The following LRRIQ3 variants were observed in gnomAD, a reference collection of about 807,000 sequenced individuals.
The protein encoded by LRRIQ3 is leucine-rich repeat and IQ domain-containing protein 3.
In LRRIQ3, 75 loss-of-function variants were observed where a neutral mutation model predicts 59.3. The observed-to-expected ratio is 1.26, with a 90% CI of 1.05 to 1.53. The LOEUF is 1.53. Ranked by LOEUF, LRRIQ3 falls within the 40% of genes most tolerant of loss-of-function variation. LRRIQ3 has a pLI of 0.00. For synonymous variants in LRRIQ3, 250 were observed against 231.3 expected, an observed-to-expected ratio of 1.08 and a Z score of -0.73; for missense variants, 831 against 710.0, an observed-to-expected ratio of 1.17 and a Z score of -1.94.
chr1:74,168,088 A>G (rs544312253), intron 3 of LRRIQ3, among the ~76,000 whole-genome samples: 1 of 152,008 alleles, frequency 6.6e-6, no homozygotes, highest in Non-Finnish European at 1.5e-5. Context: ...ATAAATGTCA[A>G]TTACATACTA....
intron 3 of LRRIQ3, chr1:74,181,965 CT>C (rs990845218): frequency 6.6e-6 from 1 of 151,582 alleles, no homozygotes; most frequent in African/African-American, 2.4e-5. Flanking sequence ...ATTTAACCCC[CT>C]CTTTTGAACT....
chr1:74,104,232 C>T (rs575122483), intron 5 of LRRIQ3, among the ~76,000 whole-genome samples: 5 of 152,076 alleles, frequency 3.3e-5, no homozygotes, highest in East Asian at 3.9e-4. Context: ...CTGATGAGGT[C>T]TTGTGTAGCA....
In LRRIQ3 at chr1:74,183,672, T is replaced by G. The variant is rs1243157938; in HGVS notation, c.13A>C (p.Thr5Pro). MFHG[T>P]VTEELTSHEE... Reference sequence around the variant, plus strand: ...TGACTGGTTAGCTCTTCTGTGACTGTTCCATGAAACATCTAGGAAAGATAA... The same window carrying G: ...TGACTGGTTAGCTCTTCTGTGACTGGTCCATGAAACATCTAGGAAAGATAA... Residue 5 changes from threonine (T) to proline (P), a missense_variant, in exon 2 of 8, where the codon ACA becomes CCA. Thr to Pro is a conservative substitution (Grantham distance 38). Coordinates refer to ENST00000354431, the MANE Select transcript of LRRIQ3 (RefSeq NM_001105659.2). 2.6e-6 allele frequency: 4 copies of G among 1,560,952 alleles called. No homozygotes were observed. The highest frequency in any genetic ancestry group is 2.4e-5 in the South Asian group (2 of 81,650).
chr1:74,072,448 C>A (rs1266694099), intron 6 of LRRIQ3, among the ~76,000 whole-genome samples: 1 of 151,878 alleles, frequency 6.6e-6, no homozygotes, highest in Non-Finnish European at 1.5e-5. Context: ...CTTTGGTGAT[C>A]CCATGAACCT....
chr1:74,157,548 CT>C (rs200099457), intron 3 of LRRIQ3, among the ~76,000 whole-genome samples: 92 of 151,080 alleles, frequency 6.1e-4, no homozygotes, highest in African/African-American at 1.9e-3. Context: ...CTCCCACTTT[CT>C]TTTTTTTTGT....
intron 4 of LRRIQ3, among the ~76,000 whole-genome samples, chr1:74,138,127 C>T (rs1030827784): frequency 1.3e-5 from 2 of 148,828 alleles, no homozygotes; most frequent in African/African-American, 4.9e-5. Flanking sequence ...AAATAAATAT[C>T]CTGGCTCTTT....
intron 4 of LRRIQ3, among the ~76,000 whole-genome samples, chr1:74,116,306 G>C (rs1325412028): frequency 6.6e-6 from 1 of 151,914 alleles, no homozygotes; most frequent in African/African-American, 2.4e-5. Context: ...TTGTAACTTT[G>C]GAAATATGAG....
chr1:74,193,356 T>G (rs1479654354), intron 1 of LRRIQ3, among the ~76,000 whole-genome samples: 1 of 152,174 alleles, frequency 6.6e-6, no homozygotes, highest in African/African-American at 2.4e-5. Flanking sequence ...AAACCTTTCC[T>G]TAGTTTGTAT....
At chr1:74,147,248 G>A (rs554354210) in intron 4 of LRRIQ3, among the ~76,000 whole-genome samples, 13 of 151,984 alleles carry the variant, frequency 8.6e-5, no homozygotes, top group African/African-American at 2.4e-4. Flanking sequence ...AATTGCCTAC[G>A]AACAAGAAAA....
At chr1:74,163,316 TC>T (rs1416797501) in intron 3 of LRRIQ3, among the ~76,000 whole-genome samples, 1 of 151,550 alleles carries the variant, frequency 6.6e-6, no homozygotes, top group Non-Finnish European at 1.5e-5. Context: ...GTGTGAAACT[TC>T]CCACACTAGC....
chr1:74,083,073 A>G (rs1040258213), intron 5 of LRRIQ3: 3 of 151,718 alleles, frequency 2.0e-5, no homozygotes, highest in Non-Finnish European at 3.0e-5. Context: ...TTTTTATCAA[A>G]TGATGGATTA....
chr1:74,141,006 C>A (rs1647231692), intron 4 of LRRIQ3, among the ~76,000 whole-genome samples: 1 of 151,684 alleles, frequency 6.6e-6, no homozygotes, highest in Admixed American at 6.6e-5. Flanking sequence ...TAATTGTATA[C>A]CCACAAAGTT....
At chr1:74,147,966 GC>G (rs1647683210) in intron 4 of LRRIQ3, among the ~76,000 whole-genome samples, 1 of 152,074 alleles carries the variant, frequency 6.6e-6, no homozygotes, top group Non-Finnish European at 1.5e-5. Context: ...GTCATGAATT[GC>G]TTTTCTGATA....
chr1:74,034,215 G>GA (rs1408732689), intron 7 of LRRIQ3, among the ~76,000 whole-genome samples: 14 of 152,032 alleles, frequency 9.2e-5, no homozygotes, highest in African/African-American at 2.9e-4. Flanking sequence ...TATCAGAATT[G>GA]AAAAATTTCA....
intron 1 of LRRIQ3, among the ~76,000 whole-genome samples, chr1:74,187,464 T>C (rs1194845497): frequency 1.3e-5 from 2 of 152,118 alleles, no homozygotes; most frequent in Non-Finnish European, 2.9e-5. Flanking sequence ...AGGCTATTAT[T>C]CAAAGTGAAG....
intron 4 of LRRIQ3, among the ~76,000 whole-genome samples, chr1:74,141,213 C>T (rs1647241494): frequency 6.6e-6 from 1 of 151,876 alleles, no homozygotes; most frequent in Non-Finnish European, 1.5e-5. Context: ...ACTAGGTTTT[C>T]TTTGGCTGCC....
chr1:74,139,479 A>G (rs994092835), intron 4 of LRRIQ3, among the ~76,000 whole-genome samples: 1 of 151,954 alleles, frequency 6.6e-6, no homozygotes, highest in South Asian at 2.1e-4. Flanking sequence ...TATTGTACCC[A>G]TAAATACCTT....
At chr1:74,114,303 C>T (rs1646747780) in intron 4 of LRRIQ3, among the ~76,000 whole-genome samples, 1 of 151,870 alleles carries the variant, frequency 6.6e-6, no homozygotes, top group Non-Finnish European at 1.5e-5. Context: ...GGATTTGTAA[C>T]ATGTATAGAT....
chr1:74,191,740 A>C (rs1650779548), intron 1 of LRRIQ3, among the ~76,000 whole-genome samples: 1 of 152,124 alleles, frequency 6.6e-6, no homozygotes, highest in East Asian at 1.9e-4. Flanking sequence ...AATAAAAATA[A>C]AATGTAAAAT....
Sources: allele counts gnomAD v4.1 joint callset (sites outside exome capture counted in the v4.1 genomes callset), GRCh38; gene constraint gnomAD v4.1.1; transcripts MANE v1.5; gene names NCBI Gene and HGNC (gene_info 2026-07-23, HGNC 2026-07-21).